Variants in RASAL2 observed in about 807,000 individuals in gnomAD.
RASAL2 encodes the protein RAS protein activator like 2.
A neutral mutation model predicts 128.9 loss-of-function variants in RASAL2; 58 were observed. The observed-to-expected ratio is 0.45, with a 90% CI of 0.36 to 0.56. The LOEUF (loss-of-function observed/expected upper bound fraction) is 0.56. Ranked by LOEUF, RASAL2 falls within the 20% of genes least tolerant of loss-of-function variation. RASAL2 has a pLI of 0.00. For synonymous variants in RASAL2, 561 were observed against 580.8 expected (o/e 0.97, Z 0.49); for missense variants, 1,360 against 1,601.6 (o/e 0.85, Z 2.57).
At chr1:178,423,892 C>T (rs1158820009) in intron 5 of RASAL2, among the ~76,000 whole-genome samples, 1 of 152,040 alleles carries the variant, frequency 6.6e-6, no homozygotes, top group Non-Finnish European at 1.5e-5. Flanking sequence ...GATAGTAAGC[C>T]ACTACTATGC....
chr1:178,151,504 A>G (rs1207426021), intron 1 of RASAL2, among the ~76,000 whole-genome samples: 1 of 152,248 alleles, frequency 6.6e-6, no homozygotes, highest in East Asian at 1.9e-4. Flanking sequence ...CCAGAGGCTT[A>G]CAGGAACCTA....
rs568895615 is a variant in RASAL2 at position 178,157,351 on chromosome 1, A to G, written c.202+62657A>G. ...TGCTTCTGTGGACCACTGCACAGCC[A>G]GAGCTTGGAATTTGTTTAACAGTGG... On this transcript the variant is annotated intron_variant, in intron 1 of 17. Transcript: ENST00000367649. Among the ~76,000 whole-genome samples, 154 of 152,302 alleles carry G rather than the reference A, an allele frequency of 1.0e-3. 1 individual carries two copies. Among genetic ancestry groups the G allele is most frequent in the Admixed American group, 1.8e-3 (27 of 15,294 alleles).
intron 1 of RASAL2, among the ~76,000 whole-genome samples, chr1:178,151,758 T>G (rs1052292630): frequency 6.6e-6 from 1 of 152,180 alleles, no homozygotes; most frequent in Non-Finnish European, 1.5e-5. Flanking sequence ...TGGTGATGAT[T>G]TGTGCTTTCT....
At chr1:178,457,539 C>A in intron 13 of RASAL2, 144 bp from the exon 14 acceptor site, 1 of 853,700 alleles carries the variant, frequency 1.2e-6, no homozygotes, top group African/African-American at 1.7e-5. Context: ...GTAATAATTC[C>A]CTAATTAGAT....
intron 2 of RASAL2, among the ~76,000 whole-genome samples, chr1:178,286,631 C>T (rs1451374687): frequency 2.6e-5 from 4 of 152,112 alleles, no homozygotes; most frequent in Non-Finnish European, 4.4e-5. Flanking sequence ...AGGCTGGTCT[C>T]GAACTCCTGA....
At chr1:178,183,681 A>C (rs1662194449) in intron 1 of RASAL2, among the ~76,000 whole-genome samples, 1 of 152,178 alleles carries the variant, frequency 6.6e-6, no homozygotes, top group Non-Finnish European at 1.5e-5. Flanking sequence ...ATTCCTTTGC[A>C]TCACTGAATA....
At chr1:178,437,092 T>C (rs1676301210) in intron 5 of RASAL2, among the ~76,000 whole-genome samples, 1 of 152,108 alleles carries the variant, frequency 6.6e-6, no homozygotes, top group Admixed American at 6.6e-5. Flanking sequence ...CTTATAGGTG[T>C]AGCACCATGG....
intron 1 of RASAL2, among the ~76,000 whole-genome samples, chr1:178,251,219 G>A (rs569867928): frequency 2.0e-5 from 3 of 152,270 alleles, no homozygotes; most frequent in East Asian, 3.9e-4. Context: ...ATGGGAGATC[G>A]TAAAGAAAAT....
chr1:178,152,131 G>A (rs1660933934), intron 1 of RASAL2, among the ~76,000 whole-genome samples: 1 of 152,128 alleles, frequency 6.6e-6, no homozygotes, highest in African/African-American at 2.4e-5. Context: ...TGTGATTAGA[G>A]GGTGGAAATT....
intron 2 of RASAL2, among the ~76,000 whole-genome samples, chr1:178,296,115 GTATATATATGTGTA>G (rs571946011): frequency 2.1e-3 from 232 of 108,798 alleles, no homozygotes; most frequent in African/African-American, 9.1e-3. Context: ...ATATATGTGT[GTATATATATGTGTA>G]TATATATGTG....
intron 1 of RASAL2, among the ~76,000 whole-genome samples, chr1:178,111,888 C>A (rs1659338021): frequency 6.6e-6 from 1 of 152,114 alleles, no homozygotes; most frequent in East Asian, 1.9e-4. Context: ...TGCCATCATG[C>A]CTGGCTAATT....
intron 3 of RASAL2, among the ~76,000 whole-genome samples, chr1:178,324,258 A>G (rs1214344250): frequency 6.6e-6 from 1 of 152,158 alleles, no homozygotes; most frequent in African/African-American, 2.4e-5. Flanking sequence ...GGTTTAAGCT[A>G]TTAAAGAAAT....
chr1:178,396,285 C>G (rs1288141787), intron 4 of RASAL2, among the ~76,000 whole-genome samples: 1 of 152,154 alleles, frequency 6.6e-6, no homozygotes, highest in Non-Finnish European at 1.5e-5. Context: ...GGATGAGATA[C>G]ACTCACAGCT....
intron 3 of RASAL2, among the ~76,000 whole-genome samples, chr1:178,354,825 A>G (rs1670715468): frequency 6.6e-6 from 1 of 152,274 alleles, no homozygotes; most frequent in Non-Finnish European, 1.5e-5. Flanking sequence ...TAAAGTAGAT[A>G]TATACTACGT....
At chr1:178,212,847 C>T (rs1571639482) in intron 1 of RASAL2, among the ~76,000 whole-genome samples, 1 of 152,144 alleles carries the variant, frequency 6.6e-6, no homozygotes, top group African/African-American at 2.4e-5. Context: ...ATTTGAGTCT[C>T]ATTGGTGCCC....
intron 3 of RASAL2, 118 bp from the exon 4 acceptor site, chr1:178,389,982 T>C (rs1672797667): frequency 1.6e-6 from 1 of 625,534 alleles, no homozygotes; most frequent in African/African-American, 1.9e-5. Flanking sequence ...TGAGATAGAA[T>C]GTAATATACC....
At chr1:178,223,236 C>T (rs16852576) in intron 1 of RASAL2, among the ~76,000 whole-genome samples, 13,254 of 152,130 alleles carry the variant, frequency 0.087, 616 homozygotes, top group Middle Eastern at 0.14. Flanking sequence ...GTAAAACAGG[C>T]ATTGATTGAT....
intron 4 of RASAL2, among the ~76,000 whole-genome samples, chr1:178,401,433 A>G (rs1019945528): frequency 2.0e-5 from 3 of 152,142 alleles, no homozygotes; most frequent in African/African-American, 7.2e-5. Context: ...CTTCTCATTT[A>G]AGGTATAATT....
intron 4 of RASAL2, among the ~76,000 whole-genome samples, chr1:178,419,010 T>A (rs528574371): frequency 6.6e-6 from 1 of 152,230 alleles, no homozygotes; most frequent in East Asian, 1.9e-4. Flanking sequence ...GCCACGAAGA[T>A]TAGGGGGGTG....
Sources: allele counts gnomAD v4.1 joint callset (sites outside exome capture counted in the v4.1 genomes callset), GRCh38; gene constraint gnomAD v4.1.1; transcripts MANE v1.5; gene names NCBI Gene and HGNC (gene_info 2026-07-23, HGNC 2026-07-21).